The following AGK variants were observed in gnomAD, a reference collection of about 807,000 sequenced individuals.
AGK encodes acylglycerol kinase, mitochondrial.
Under a neutral mutation model 66.4 loss-of-function variants are expected in AGK, and 52 were observed. The ratio of observed to expected loss-of-function variants is 0.78; its 90% confidence interval spans 0.63 to 0.99. AGK has a LOEUF of 0.99. Among genes scored for constraint, AGK ranks in the 50% least tolerant of loss-of-function variants. The pLI is 0.00. For missense variants in AGK, 451 were observed against 506.6 expected (o/e 0.89, Z 1.05); for synonymous variants, 182 against 181.1 (o/e 1.00, Z -0.04).
At chr7:141,651,233 A>G (rs1158704271) in intron 14 of AGK, among the ~76,000 whole-genome samples, 1 of 152,228 alleles carries the variant, frequency 6.6e-6, no homozygotes, top group Non-Finnish European at 1.5e-5. Context: ...CAATCTAAGA[A>G]TTAGGTACAT....
chr7:141,618,052 T>C (rs1256808262), intron 8 of AGK, among the ~76,000 whole-genome samples: 1 of 152,224 alleles, frequency 6.6e-6, no homozygotes, highest in African/African-American at 2.4e-5. Flanking sequence ...AGCTAGAGTT[T>C]AATCCAAGCA....
intron 11 of AGK, among the ~76,000 whole-genome samples, chr7:141,638,228 A>G (rs982393706): frequency 3.3e-5 from 5 of 152,182 alleles, no homozygotes; most frequent in African/African-American, 1.2e-4. Flanking sequence ...AGAAGGGAGC[A>G]GAGAGGAGGG....
At chr7:141,591,434 C>T (rs1796116300) in intron 2 of AGK, among the ~76,000 whole-genome samples, 1 of 152,070 alleles carries the variant, frequency 6.6e-6, no homozygotes, top group Non-Finnish European at 1.5e-5. Context: ...GTCCATACTT[C>T]CCTGTGGATG....
At chr7:141,586,578 G>A (rs1035714269) in intron 2 of AGK, among the ~76,000 whole-genome samples, 5 of 152,158 alleles carry the variant, frequency 3.3e-5, no homozygotes, top group Non-Finnish European at 5.9e-5. Context: ...AATCTAGGAA[G>A]GAAAATAAGA....
At chr7:141,602,478 C>T (rs1422708904) in intron 5 of AGK, among the ~76,000 whole-genome samples, 2 of 151,974 alleles carry the variant, frequency 1.3e-5, no homozygotes, top group Non-Finnish European at 2.9e-5. Flanking sequence ...TAATTGACAT[C>T]AGGTTGTTCA....
rs1587181111 is a variant in AGK at position 141,652,495 on chromosome 7, T to C, written c.1132-292T>C. ...AGGACCCTTGCCTTTTAATACATATTTGAAAATTATAACCATGTTGTTCAA... is the reference window on the plus strand; with the variant it reads ...AGGACCCTTGCCTTTTAATACATATCTGAAAATTATAACCATGTTGTTCAA... On this transcript the variant is annotated intron_variant, in intron 15 of 15. Transcript: ENST00000649286. The C allele has an allele frequency of 1.6e-5, 4 of 253,270 alleles. No individual in the cohort carries two copies. In the East Asian group the frequency reaches 3.0e-4, roughly 19 times the overall value. The allele number at this position is 253,270 out of a possible 1,614,324, so 15.7% of individuals were successfully genotyped here.
chr7:141,641,384 C>T lies in AGK; in HGVS notation c.863C>T (p.Ala288Val), dbSNP rs763068104. 1.2e-5 allele frequency: 20 copies of T among 1,612,246 alleles called. No individual in the cohort carries two copies. The Admixed American group carries it at 1.3e-4, about 11-fold the overall frequency. The change falls in exon 12 of 16, where the codon GCA becomes GTA. Residue 288 changes from alanine (A) to valine (V), a missense_variant. Coordinates refer to ENST00000649286, the MANE Select transcript of AGK (RefSeq NM_018238.4). Reference sequence around the variant, plus strand: ...TTACGAAGGCTTGCGTCCTACTGGGCACAACCACAGGATGGTGAGCAATGT... The same window carrying T: ...TTACGAAGGCTTGCGTCCTACTGGGTACAACCACAGGATGGTGAGCAATGT... Reference protein sequence around the residue: ...RILRRLASYWAQPQDALSQEV... With the variant: ...RILRRLASYWVQPQDALSQEV...
Position 141,615,645 on chromosome 7 carries a change from TC to T in AGK, c.518+81del, listed in dbSNP as rs150339553. 4,542 of 1,139,160 alleles carry T rather than the reference TC, an allele frequency of 4.0e-3. 135 individuals carry two copies. The African/African-American group carries it at 0.062, about 16-fold the overall frequency. 70.6% of individuals were successfully genotyped at this position (1,139,160 alleles called of 1,614,324 possible). A position where few individuals can be genotyped will look rare whatever the true frequency, so the allele number is the denominator to read the frequency against. The stretch of plus-strand genomic sequence containing the variant: ...AAAATTTATGTGTATGCTATAACTT[TC>T]TTGAGTTTTGATAGCCTGAAACTTC... On this transcript the variant is annotated intron_variant, in intron 8 of 15. Coordinates refer to ENST00000649286, the MANE Select transcript of AGK (RefSeq NM_018238.4).
Position 141,641,805 on chromosome 7 carries a change from C to T in AGK, c.878-6C>T, listed in dbSNP as rs2117014175. 1.3e-6 allele frequency: 2 copies of T among 1,568,020 alleles called. No homozygotes were observed. The highest frequency in any genetic ancestry group is 1.7e-6 in the Non-Finnish European group (2 of 1,155,298). ...AAACTGACCTGTATCTAATGGATTC[C>T]CACAGCCCTTTCCCAAGAGGTGAGC... On this transcript the variant is annotated splice_region_variant and splice_polypyrimidine_tract_variant and intron_variant, in intron 12 of 15. Coordinates refer to ENST00000649286, the MANE Select transcript of AGK (RefSeq NM_018238.4).
At chr7:141,644,286 C>T (rs572235845) in intron 13 of AGK, among the ~76,000 whole-genome samples, 5 of 152,212 alleles carry the variant, frequency 3.3e-5, no homozygotes, top group East Asian at 1.9e-4. Flanking sequence ...TATGTGAGTG[C>T]GCTCAAGATT....
intron 14 of AGK, 57 bp downstream of exon 14, chr7:141,649,390 T>A (rs1797498552): frequency 3.9e-6 from 5 of 1,280,238 alleles, no homozygotes; most frequent in Non-Finnish European, 5.7e-6. Context: ...GATTTTACTA[T>A]TCAGAGTGCC....
intron 5 of AGK, among the ~76,000 whole-genome samples, chr7:141,603,266 A>G (rs139235605): frequency 0.012 from 1,861 of 152,258 alleles, 40 homozygotes; most frequent in African/African-American, 0.043. Flanking sequence ...GGATTTGTCT[A>G]TTTCACTACA....
At chr7:141,554,389 T>C (rs1444244725) in intron 1 of AGK, among the ~76,000 whole-genome samples, 6 of 152,150 alleles carry the variant, frequency 3.9e-5, no homozygotes, top group Admixed American at 1.3e-4. Flanking sequence ...GGTTTTCTTT[T>C]TAAATTTATA....
intron 3 of AGK, among the ~76,000 whole-genome samples, chr7:141,595,639 G>T (rs1338113819): frequency 5.9e-5 from 9 of 151,884 alleles, no homozygotes; most frequent in Non-Finnish European, 1.3e-4. Flanking sequence ...ATTCTGCTTT[G>T]TTGGTTCAGG....
chr7:141,647,368 C>T (rs1475418968), intron 13 of AGK, among the ~76,000 whole-genome samples: 1 of 152,214 alleles, frequency 6.6e-6, no homozygotes, highest in Non-Finnish European at 1.5e-5. Context: ...TGTAGCTCCT[C>T]TCTTCCCTGT....
At chr7:141,554,207 TGTA>T (rs1260662179) in intron 1 of AGK, among the ~76,000 whole-genome samples, 1 of 151,966 alleles carries the variant, frequency 6.6e-6, no homozygotes, top group African/African-American at 2.4e-5. Context: ...ATTAGCCAAG[TGTA>T]GTGGTATGTG....
At chr7:141,612,477 G>A (rs1283719299) in intron 6 of AGK, among the ~76,000 whole-genome samples, 1 of 152,134 alleles carries the variant, frequency 6.6e-6, no homozygotes, top group Non-Finnish European at 1.5e-5. Context: ...TTATACATTT[G>A]TGGGAACCCA....
intron 2 of AGK, among the ~76,000 whole-genome samples, chr7:141,587,255 C>G (rs1796012561): frequency 1.3e-5 from 2 of 152,164 alleles, no homozygotes; most frequent in African/African-American, 4.8e-5. Flanking sequence ...CTCTGTGTCC[C>G]CTCTGCCACC....
chr7:141,618,134 T>C (rs1796746812), intron 8 of AGK, among the ~76,000 whole-genome samples: 1 of 152,194 alleles, frequency 6.6e-6, no homozygotes, highest in African/African-American at 2.4e-5. Context: ...GAAACACTGG[T>C]TTAGGTGGAT....
Sources: allele counts gnomAD v4.1 joint callset (sites outside exome capture counted in the v4.1 genomes callset), GRCh38; gene constraint gnomAD v4.1.1; transcripts MANE v1.5; gene names NCBI Gene and HGNC (gene_info 2026-07-23, HGNC 2026-07-21).